LRRC7: variants seen among roughly 807,000 people sequenced by gnomAD.
The protein encoded by LRRC7 is leucine rich repeat containing 7, also known as leucine-rich repeat-containing protein 7.
A neutral mutation model predicts 175.7 loss-of-function variants in LRRC7; 23 were observed. The observed-to-expected ratio is 0.13, with a 90% CI of 0.09 to 0.19. The LOEUF (loss-of-function observed/expected upper bound fraction) is 0.19, where lower values mean the gene tolerates loss of function less well. Ranked by LOEUF, LRRC7 falls within the 10% of genes least tolerant of loss-of-function variation. The pLI, the probability that LRRC7 is intolerant of heterozygous loss-of-function variation, is 1.00. For missense variants in LRRC7, 1,354 were observed against 1,904.7 expected (o/e 0.71, Z 5.38); for synonymous variants, 685 against 680.9 (o/e 1.01, Z -0.09).
intron 22 of LRRC7, among the ~76,000 whole-genome samples, chr1:70,046,516 AAAG>A (rs938542555): frequency 6.6e-6 from 1 of 152,166 alleles, no homozygotes; most frequent in African/African-American, 2.4e-5. Flanking sequence ...TGCACCAAAA[AAAG>A]AAGAAAAGTA....
intron 7 of LRRC7, among the ~76,000 whole-genome samples, chr1:69,923,649 A>G (rs1474614723): frequency 3.3e-5 from 5 of 151,898 alleles, no homozygotes; most frequent in African/African-American, 9.7e-5. Context: ...TGATGGTGTT[A>G]TTTGTTTTTT....
At chr1:69,816,131 T>G (rs900946912) in intron 4 of LRRC7, among the ~76,000 whole-genome samples, 1 of 151,870 alleles carries the variant, frequency 6.6e-6, no homozygotes, top group African/African-American at 2.4e-5. Context: ...GTGCCCGCCC[T>G]CACACCCAGC....
intron 7 of LRRC7, among the ~76,000 whole-genome samples, chr1:69,911,192 G>A (rs1483127199): frequency 6.6e-6 from 1 of 152,188 alleles, no homozygotes; most frequent in Non-Finnish European, 1.5e-5. Context: ...CGCGCACGGT[G>A]CACTGCACCC....
At chr1:69,926,903 C>T (rs1198526191) in intron 7 of LRRC7, among the ~76,000 whole-genome samples, 2 of 152,182 alleles carry the variant, frequency 1.3e-5, no homozygotes, top group African/African-American at 2.4e-5. Context: ...TTCGTAGCCT[C>T]AATGGTCTTT....
At chr1:70,051,668 C>A (rs74922820) in intron 22 of LRRC7, among the ~76,000 whole-genome samples, 4 of 149,360 alleles carry the variant, frequency 2.7e-5, no homozygotes, top group African/African-American at 9.8e-5. Flanking sequence ...TTTTTTTTTT[C>A]ATACTTTTTG....
intron 2 of LRRC7, among the ~76,000 whole-genome samples, chr1:69,681,277 A>G (rs1473768011): frequency 1.3e-5 from 2 of 152,148 alleles, no homozygotes; most frequent in East Asian, 3.9e-4. Flanking sequence ...ACCTTCGAAA[A>G]CTATCATAGA....
intron 2 of LRRC7, among the ~76,000 whole-genome samples, chr1:69,693,585 C>T (rs1662178648): frequency 6.6e-6 from 1 of 150,986 alleles, no homozygotes; most frequent in Admixed American, 6.6e-5. Flanking sequence ...AGATGAGACC[C>T]ACTCACATTA....
At chr1:69,948,800 C>T (rs890976437) in intron 8 of LRRC7, among the ~76,000 whole-genome samples, 1 of 152,096 alleles carries the variant, frequency 6.6e-6, no homozygotes, top group Non-Finnish European at 1.5e-5. Context: ...GACAGCAAGA[C>T]GTGGATGAAG....
intron 1 of LRRC7, among the ~76,000 whole-genome samples, chr1:69,667,499 G>A (rs560894171): frequency 5.9e-5 from 9 of 152,126 alleles, no homozygotes; most frequent in South Asian, 4.1e-4. Flanking sequence ...TACTGGATGC[G>A]TATTTATTTA....
Position 70,123,773 on chromosome 1 carries a change from A to G in LRRC7, c.*1886A>G, listed in dbSNP as rs906222587. Among the ~76,000 whole-genome samples the G allele has an allele frequency of 2.0e-5, 3 of 152,162 alleles. No individual in the cohort carries two copies. Among genetic ancestry groups the G allele is most frequent in the Non-Finnish European group, 4.4e-5 (3 of 68,028 alleles). Reference sequence around the variant, plus strand: ...ACTCATGTCAAGCCACCATATCCAGATATTATAGGATGATCATCATTAATC... The same window carrying G: ...ACTCATGTCAAGCCACCATATCCAGGTATTATAGGATGATCATCATTAATC... On this transcript the variant is annotated 3_prime_UTR_variant, in exon 27 of 27. Transcript: ENST00000651989.
chr1:70,084,178 A>G (rs907179655), intron 24 of LRRC7, among the ~76,000 whole-genome samples: 1 of 152,180 alleles, frequency 6.6e-6, no homozygotes, highest in Non-Finnish European at 1.5e-5. Flanking sequence ...TATAATTTAT[A>G]TACAGTAAAG....
At chr1:70,086,372 C>G (rs1015655412) in intron 24 of LRRC7, among the ~76,000 whole-genome samples, 1 of 152,046 alleles carries the variant, frequency 6.6e-6, no homozygotes, top group Non-Finnish European at 1.5e-5. Context: ...TAACACAGAC[C>G]AGAAGTTATC....
intron 7 of LRRC7, among the ~76,000 whole-genome samples, chr1:69,872,489 A>G: frequency 1.3e-5 from 2 of 152,120 alleles, no homozygotes; most frequent in Middle Eastern, 6.8e-3. Context: ...CAATTTCTTA[A>G]ATTAAAAAGG....
chr1:70,038,603 T>C lies in LRRC7; in HGVS notation c.2779T>C (p.Ser927Pro). ...ATCTACTGAAATACCTAGTCCTTTTTCTCCAGGCGTACCATGGGAGTATCA... is the reference window on the plus strand; with the variant it reads ...ATCTACTGAAATACCTAGTCCTTTTCCTCCAGGCGTACCATGGGAGTATCA... ...KESTEIPSPF[S>P]PGVPWEYHDS... Residue 927 changes from serine to proline, a missense_variant, in exon 21 of 27, where the codon TCT becomes CCT. By Grantham distance (74) the Ser-to-Pro change is moderately conservative (BLOSUM62 -1). Around this residue, in one of 4 missense-constraint regions of LRRC7, gnomAD observed 1,032 missense variants for 1,227.2 expected, o/e 0.84. Coordinates refer to ENST00000651989, the MANE Select transcript of LRRC7 (RefSeq NM_001370785.2). 4 of 1,614,106 alleles carry C rather than the reference T, an allele frequency of 2.5e-6. No homozygotes were observed. The highest frequency in any genetic ancestry group is 3.4e-6 in the Non-Finnish European group (4 of 1,179,994).
intron 7 of LRRC7, among the ~76,000 whole-genome samples, chr1:69,872,846 T>C (rs924042177): frequency 6.6e-6 from 1 of 152,188 alleles, no homozygotes; most frequent in African/African-American, 2.4e-5. Context: ...TATACCTCTC[T>C]CATTGGTGTC....
At chr1:69,980,532 A>C in intron 9 of LRRC7, 79 bp downstream of exon 9, 1 of 1,127,680 alleles carries the variant, frequency 8.9e-7, no homozygotes, top group Non-Finnish European at 1.3e-6. Context: ...TCAACTCTTA[A>C]ATTTCAGTAT....
chr1:69,751,237 A>C (rs1220832849), intron 2 of LRRC7, among the ~76,000 whole-genome samples: 1 of 152,184 alleles, frequency 6.6e-6, no homozygotes, highest in African/African-American at 2.4e-5. Context: ...CTATCCAATA[A>C]ATTCAGTAGA....
intron 1 of LRRC7, among the ~76,000 whole-genome samples, chr1:69,573,215 A>C (rs936963301): frequency 7.2e-5 from 11 of 152,186 alleles, no homozygotes; most frequent in Non-Finnish European, 5.9e-5. Flanking sequence ...TGCCACGTGG[A>C]AAGTGATGGG....
intron 26 of LRRC7, among the ~76,000 whole-genome samples, chr1:70,113,161 A>G (rs777409521): frequency 2.6e-5 from 4 of 152,182 alleles, no homozygotes; most frequent in Admixed American, 6.5e-5. Flanking sequence ...TGTTGTACAC[A>G]GATATATATA....
Sources: gnomAD v4.1 joint callset for allele counts (sites outside exome capture counted in the v4.1 genomes callset) on GRCh38, gnomAD v4.1.1 for gene constraint, gnomAD v4.1.1 regional missense constraint, MANE v1.5 for transcripts, NCBI Gene and HGNC (gene_info 2026-07-23, HGNC 2026-07-21) for gene names.